Variants in FSHR observed in about 807,000 individuals in gnomAD.
FSHR encodes follicle-stimulating hormone receptor.
In FSHR, 46 loss-of-function variants were observed where a neutral mutation model predicts 52.1. That is an observed-to-expected ratio of 0.88 (90% CI 0.70 to 1.13). The LOEUF is 1.13. FSHR is among the 50% of genes most tolerant of loss of function. The pLI is 0.00. For synonymous variants in FSHR, 399 were observed against 309.6 expected (o/e 1.29, Z -3.03); for missense variants, 964 against 834.6 (o/e 1.16, Z -1.91).
At chr2:49,011,332 A>T (rs1032363969) in intron 4 of FSHR, among the ~76,000 whole-genome samples, 3 of 151,750 alleles carry the variant, frequency 2.0e-5, no homozygotes, top group African/African-American at 7.3e-5. Context: ...CATGTAGTTG[A>T]GTGGTTTTGA....
chr2:49,057,341 A>G (rs991672351), intron 2 of FSHR, among the ~76,000 whole-genome samples: 6 of 152,154 alleles, frequency 3.9e-5, no homozygotes, highest in Non-Finnish European at 8.8e-5. Flanking sequence ...CAATGACAGT[A>G]GCAGTAGTAG....
At chr2:48,991,022 G>A (rs756001787) in intron 4 of FSHR, among the ~76,000 whole-genome samples, 31 of 152,066 alleles carry the variant, frequency 2.0e-4, no homozygotes, top group Non-Finnish European at 3.2e-4. Flanking sequence ...CACTCCAAGC[G>A]ATTCTCTTGG....
chr2:49,066,626 G>A (rs1042620293), intron 2 of FSHR, among the ~76,000 whole-genome samples: 1 of 152,104 alleles, frequency 6.6e-6, no homozygotes, highest in Non-Finnish European at 1.5e-5. Flanking sequence ...TGTACAAGCT[G>A]TGTCTGAACA....
At chr2:49,091,982 G>T (rs1334608942) in intron 1 of FSHR, among the ~76,000 whole-genome samples, 3 of 152,144 alleles carry the variant, frequency 2.0e-5, no homozygotes, top group Admixed American at 2.0e-4. Context: ...TAACTATAGT[G>T]AATTTTCTGA....
chr2:49,135,295 A>C (rs1285696579), intron 1 of FSHR, among the ~76,000 whole-genome samples: 3 of 152,156 alleles, frequency 2.0e-5, no homozygotes, highest in Admixed American at 6.5e-5. Flanking sequence ...AAATGGAATG[A>C]AAAATAAATA....
At chr2:49,006,466 T>C (rs1229422393) in intron 4 of FSHR, among the ~76,000 whole-genome samples, 1 of 152,188 alleles carries the variant, frequency 6.6e-6, no homozygotes, top group Non-Finnish European at 1.5e-5. Flanking sequence ...TTCTTTTTAG[T>C]TGGGACTCAG....
intron 8 of FSHR, among the ~76,000 whole-genome samples, chr2:48,976,474 G>T (rs1049133188): frequency 6.6e-6 from 1 of 152,166 alleles, no homozygotes; most frequent in Non-Finnish European, 1.5e-5. Flanking sequence ...CCAGGTTTTG[G>T]TATCAGGATG....
intron 4 of FSHR, among the ~76,000 whole-genome samples, chr2:49,009,244 T>A (rs1667181719): frequency 1.2e-5 from 1 of 81,394 alleles, no homozygotes. Context: ...TTTCTACATA[T>A]GGCTAGCCAG....
chr2:49,018,190 T>C (rs905997667), intron 3 of FSHR, among the ~76,000 whole-genome samples: 2 of 152,182 alleles, frequency 1.3e-5, no homozygotes, highest in African/African-American at 2.4e-5. Flanking sequence ...ATTGATTCCC[T>C]TTATGCAGTA....
At chr2:48,987,159 T>C (rs974138251) in intron 6 of FSHR, among the ~76,000 whole-genome samples, 1 of 152,012 alleles carries the variant, frequency 6.6e-6, no homozygotes, top group African/African-American at 2.4e-5. Context: ...ATGTATTCAC[T>C]ATTTTCCACA....
chr2:48,988,160 G>C (rs924142591), intron 6 of FSHR, among the ~76,000 whole-genome samples: 1 of 152,074 alleles, frequency 6.6e-6, no homozygotes, highest in Non-Finnish European at 1.5e-5. Context: ...ACTGAAGGGG[G>C]CTAAAATTCT....
At chr2:49,127,876 TCTTCTTC>T (rs1672111644) in intron 1 of FSHR, among the ~76,000 whole-genome samples, 1 of 48,994 alleles carries the variant, frequency 2.0e-5, no homozygotes, top group Admixed American at 2.6e-4. Context: ...TTCTTCTTCT[TCTTCTTC>T]TTCTTCTTCT....
At chr2:49,088,388 G>A (rs1221443920) in intron 1 of FSHR, among the ~76,000 whole-genome samples, 3 of 152,112 alleles carry the variant, frequency 2.0e-5, no homozygotes, top group African/African-American at 7.2e-5. Flanking sequence ...CCCAAGAAGG[G>A]GAAAGAAGAA....
intron 1 of FSHR, among the ~76,000 whole-genome samples, chr2:49,070,887 G>A (rs1052238907): frequency 6.6e-6 from 1 of 152,136 alleles, no homozygotes; most frequent in African/African-American, 2.4e-5. Context: ...GAGCTTGCAA[G>A]GATATGAGAA....
chr2:49,021,863 C>CTATATATATATATATATATATATATATA (rs1224896244), intron 2 of FSHR, among the ~76,000 whole-genome samples: 1 of 49,858 alleles, frequency 2.0e-5, no homozygotes, highest in Non-Finnish European at 3.7e-5. Context: ...CTCTCTCTCT[C>CTATATATATATATATATATATATATATA]TATATATATA....
intron 2 of FSHR, among the ~76,000 whole-genome samples, chr2:49,058,963 C>T (rs1333278107): frequency 6.6e-6 from 1 of 152,182 alleles, no homozygotes; most frequent in Non-Finnish European, 1.5e-5. Flanking sequence ...AACTCCAGCA[C>T]TTTGGGTGAT....
At chr2:49,106,053 A>C (rs1671209216) in intron 1 of FSHR, among the ~76,000 whole-genome samples, 1 of 152,218 alleles carries the variant, frequency 6.6e-6, no homozygotes, top group Non-Finnish European at 1.5e-5. Flanking sequence ...GCAGCTTATT[A>C]GGAAGGCCAA....
chr2:49,099,890 C>T (rs187454813), intron 1 of FSHR, among the ~76,000 whole-genome samples: 1 of 152,244 alleles, frequency 6.6e-6, no homozygotes, highest in East Asian at 1.9e-4. Context: ...TTGTTTTAAT[C>T]CACCCAGTTT....
At position 48,988,991 on chromosome 2, in the gene FSHR, A is replaced by C. The variant is rs771361079; in HGVS notation, c.510T>G (p.Phe170Leu). Residue 170 changes from phenylalanine to leucine, a missense_variant, in exon 6 of 10, where the codon TTT becomes TTG. By Grantham distance (22) the Phe-to-Leu change is conservative. Transcript: ENST00000406846. ...IERNSFVGLS[F>L]ESVILWLNKN... The stretch of plus-strand genomic sequence containing the variant: ...CCCTTACTTACAGAATCACACTTTC[A>C]AAGCTCAGCCCCACGAAAGAATTTC... The C allele has an allele frequency of 3.1e-6, 5 of 1,613,868 alleles. No individual in the cohort carries two copies. The highest frequency in any genetic ancestry group is 4.2e-6 in the Non-Finnish European group (5 of 1,179,814).
Sources: allele counts gnomAD v4.1 joint callset (sites outside exome capture counted in the v4.1 genomes callset), GRCh38; gene constraint gnomAD v4.1.1; transcripts MANE v1.5; gene names NCBI Gene and HGNC (gene_info 2026-07-23, HGNC 2026-07-21).